The following UST variants were observed in gnomAD, a reference collection of about 807,000 sequenced individuals.
UST encodes the protein uronyl 2-sulfotransferase.
UST carries 21 observed loss-of-function variants against 45.6 expected under a neutral mutation model. That is an observed-to-expected ratio of 0.46 (90% CI 0.33 to 0.66). The LOEUF (loss-of-function observed/expected upper bound fraction) is 0.66. Ranked by LOEUF, UST falls within the 30% of genes least tolerant of loss-of-function variation. The pLI, the probability that UST is intolerant of heterozygous loss-of-function variation, is 0.02. For missense variants in UST, 463 were observed against 512.4 expected (o/e 0.90, Z 0.93); for synonymous variants, 215 against 200.6 (o/e 1.07, Z -0.61).
At chr6:148,905,805 C>T (rs1460226110) in intron 2 of UST, among the ~76,000 whole-genome samples, 1 of 152,176 alleles carries the variant, frequency 6.6e-6, no homozygotes, top group Non-Finnish European at 1.5e-5. Flanking sequence ...CAGCCTTGGG[C>T]TCCTGTTAGA....
Position 149,073,987 on chromosome 6 carries a change from TA to T in UST, c.1094del (p.Lys365SerfsTer9). 6.2e-7 allele frequency: 1 copy of T among 1,614,188 alleles called. No homozygotes were observed. Among genetic ancestry groups the T allele is most frequent in the Admixed American group, 1.7e-5 (1 of 60,018 alleles). On this transcript the variant is annotated frameshift_variant, in exon 8 of 8. Transcript: ENST00000367463. LOFTEE classifies it high-confidence loss of function. Reference protein sequence around the residue: ...FHLLKRKFGLKSHVSKPPLRP... With the variant: ...FHLLKRKFGLXSHVSKPPLRP... ...ACCTGCTGAAGCGCAAGTTTGGACT[TA>T]AGTCTCACGTCAGCAAGCCCCCCCT...
chr6:148,873,217 C>T (rs147763372), intron 1 of UST, among the ~76,000 whole-genome samples: 65 of 152,294 alleles, frequency 4.3e-4, no homozygotes, highest in Admixed American at 8.5e-4. Flanking sequence ...AGAATGGGCA[C>T]ACCCTTGCAG....
intron 3 of UST, among the ~76,000 whole-genome samples, chr6:148,953,414 T>C (rs1308084387): frequency 2.0e-5 from 3 of 152,196 alleles, no homozygotes; most frequent in African/African-American, 7.2e-5. Flanking sequence ...TTTTATTCGC[T>C]AAGGAGCCTT....
chr6:148,871,839 C>G (rs1778565053), intron 1 of UST, among the ~76,000 whole-genome samples: 2 of 152,176 alleles, frequency 1.3e-5, no homozygotes, highest in Admixed American at 6.5e-5. Context: ...AAAATTGTGA[C>G]CACTTAGGGT....
chr6:148,845,864 C>A (rs1777977000), intron 1 of UST, among the ~76,000 whole-genome samples: 1 of 151,858 alleles, frequency 6.6e-6, no homozygotes. Flanking sequence ...CATCACTGGC[C>A]ATCAGAGAAA....
At chr6:149,061,069 A>G (rs1490303763) in intron 7 of UST, among the ~76,000 whole-genome samples, 1 of 152,156 alleles carries the variant, frequency 6.6e-6, no homozygotes, top group Non-Finnish European at 1.5e-5. Context: ...GAGCCAGCCC[A>G]GCATCAAAAT....
chr6:148,876,701 C>CA (rs1778658707), intron 1 of UST, among the ~76,000 whole-genome samples: 1 of 152,076 alleles, frequency 6.6e-6, no homozygotes, highest in Admixed American at 6.6e-5. Flanking sequence ...CCTGATCATT[C>CA]ATTTCATAGT....
At position 148,747,493 on chromosome 6, in the gene UST, G is replaced by C. The variant is rs750013918; in HGVS notation, c.63G>C (p.Met21Ile). Residue 21 changes from methionine (M) to isoleucine (I), a missense_variant, in exon 1 of 8, where the codon ATG becomes ATC. Physicochemically the swap from Met to Ile is conservative, Grantham distance 10. Around this residue, in one of 2 missense-constraint regions of UST, gnomAD observed 176 missense variants for 138.3 expected, o/e 1.27. Coordinates refer to ENST00000367463, the MANE Select transcript of UST (RefSeq NM_005715.3). ...GADPWPHGAP[M>I]GGAPPGLGSW... ...ATCCCTGGCCCCATGGGGCCCCTAT[G>C]GGGGGCGCCCCTCCGGGCCTGGGCA... 26 of 1,518,436 alleles carry C rather than the reference G, an allele frequency of 1.7e-5. No homozygotes were observed. In the Middle Eastern group the frequency reaches 5.6e-4, roughly 32 times the overall value. The allele number at this position is 1,518,436 out of a possible 1,614,324, so 94.1% of individuals were successfully genotyped here. A position where few individuals can be genotyped will look rare whatever the true frequency, so the allele number is the denominator to read the frequency against.
intron 2 of UST, among the ~76,000 whole-genome samples, chr6:148,907,662 T>C (rs921920486): frequency 6.6e-6 from 1 of 152,184 alleles, no homozygotes; most frequent in Non-Finnish European, 1.5e-5. Context: ...TTGGTTTATT[T>C]AGCACTGGCT....
At chr6:149,003,152 T>G (rs1781584605) in intron 5 of UST, among the ~76,000 whole-genome samples, 1 of 152,236 alleles carries the variant, frequency 6.6e-6, no homozygotes, top group Non-Finnish European at 1.5e-5. Context: ...TATCGTGGCA[T>G]GATAGAACTA....
At chr6:149,073,804 G>T (rs1238669058) in intron 7 of UST, 29 bp from the exon 8 acceptor site, 1 of 1,603,292 alleles carries the variant, frequency 6.2e-7, no homozygotes, top group East Asian at 2.2e-5. Flanking sequence ...GCAAATGATG[G>T]CTCATGTGCG....
chr6:148,767,265 A>T (rs1776341004), intron 1 of UST, among the ~76,000 whole-genome samples: 4 of 152,226 alleles, frequency 2.6e-5, no homozygotes, highest in African/African-American at 9.6e-5. Context: ...TTCATTCACC[A>T]GTTTGATTGT....
At chr6:148,958,385 T>C (rs560107759) in intron 4 of UST, among the ~76,000 whole-genome samples, 29 of 152,324 alleles carry the variant, frequency 1.9e-4, no homozygotes, top group African/African-American at 7.0e-4. Flanking sequence ...TCAGTGGGGA[T>C]TCCTGACTTG....
At chr6:148,902,579 T>C (rs1356810734) in intron 2 of UST, among the ~76,000 whole-genome samples, 3 of 151,936 alleles carry the variant, frequency 2.0e-5, no homozygotes, top group Non-Finnish European at 2.9e-5. Flanking sequence ...GAGTCTCACG[T>C]TGTTGCCCAG....
rs181709579 is a variant in UST, at chr6:148,781,951, C to T, written c.247+34274C>T. Among the ~76,000 whole-genome samples, 408 of 152,308 alleles carry T rather than the reference C, an allele frequency of 2.7e-3. 2 individuals are homozygous for T. Among genetic ancestry groups the T allele is most frequent in the Admixed American group, 5.1e-3 (78 of 15,304 alleles). On this transcript the variant is annotated intron_variant, in intron 1 of 7. Transcript: ENST00000367463. ...AGGTCACTGCTCATTGACAATGTACCTAGTCACTCAAGGTCTCTGATGGAG... is the reference window on the plus strand; with the variant it reads ...AGGTCACTGCTCATTGACAATGTACTTAGTCACTCAAGGTCTCTGATGGAG...
At chr6:149,008,100 T>G (rs751971607) in intron 5 of UST, among the ~76,000 whole-genome samples, 3 of 152,196 alleles carry the variant, frequency 2.0e-5, no homozygotes, top group Non-Finnish European at 4.4e-5. Flanking sequence ...CTAACTTATT[T>G]AGTGAGAGAT....
At chr6:149,017,148 C>T (rs138999475) in intron 5 of UST, among the ~76,000 whole-genome samples, 2,997 of 152,250 alleles carry the variant, frequency 0.02, 122 homozygotes, top group African/African-American at 0.069. Context: ...GAGGCCGAGG[C>T]GGGCGGATCA....
chr6:148,784,166 A>G (rs1451198866), intron 1 of UST, among the ~76,000 whole-genome samples: 2 of 152,222 alleles, frequency 1.3e-5, no homozygotes, highest in Admixed American at 1.3e-4. Context: ...AAATGTAACC[A>G]CATTTCACTC....
intron 1 of UST, among the ~76,000 whole-genome samples, chr6:148,829,700 G>T (rs1019223914): frequency 2.0e-5 from 3 of 151,962 alleles, no homozygotes; most frequent in African/African-American, 4.8e-5. Flanking sequence ...AATGGTTGGG[G>T]GTTCACTTTT....
Sources: allele counts gnomAD v4.1 joint callset (sites outside exome capture counted in the v4.1 genomes callset), GRCh38; gene constraint gnomAD v4.1.1; regional missense constraint gnomAD v4.1.1; transcripts MANE v1.5; gene names NCBI Gene and HGNC (gene_info 2026-07-23, HGNC 2026-07-21).